The following CSMD1 variants were observed in gnomAD, a reference collection of about 807,000 sequenced individuals.
CSMD1 encodes the protein CUB and Sushi multiple domains 1, also known as CUB and sushi domain-containing protein 1.
CSMD1 carries 213 observed loss-of-function variants against 417.5 expected under a neutral mutation model. The ratio of observed to expected loss-of-function variants is 0.51; its 90% CI spans 0.46 to 0.57. The LOEUF is 0.57. Among genes scored for constraint, CSMD1 ranks in the 20% least tolerant of loss-of-function variants. The pLI is 0.00. For synonymous variants in CSMD1, 2,862 were observed against 1,736.8 expected (o/e 1.65, Z -16.11); for missense variants, 6,923 against 4,529.7 (o/e 1.53, Z -15.17).
At chr8:3,806,917 G>C (rs1368328176) in intron 5 of CSMD1, among the ~76,000 whole-genome samples, 1 of 152,076 alleles carries the variant, frequency 6.6e-6, no homozygotes, top group African/African-American at 2.4e-5. Context: ...GTAGTAGTGA[G>C]GTACTTATTC....
chr8:4,925,752 T>G (rs182011395), intron 1 of CSMD1, among the ~76,000 whole-genome samples: 1 of 152,266 alleles, frequency 6.6e-6, no homozygotes, highest in Admixed American at 6.5e-5. Context: ...TTTCACCGTG[T>G]TGGTCAGGAT....
chr8:3,421,530 G>A (rs534767391), intron 12 of CSMD1, among the ~76,000 whole-genome samples: 1 of 152,314 alleles, frequency 6.6e-6, no homozygotes, highest in South Asian at 2.1e-4. Context: ...CAATTTTGTA[G>A]ACTTTAGTAA....
At chr8:4,566,521 C>T (rs1363578631) in intron 2 of CSMD1, among the ~76,000 whole-genome samples, 4 of 151,720 alleles carry the variant, frequency 2.6e-5, no homozygotes, top group East Asian at 1.9e-4. Flanking sequence ...GGCGTGGTGG[C>T]GGGCGCCTGC....
chr8:4,665,440 A>G (rs1017555393), intron 1 of CSMD1, among the ~76,000 whole-genome samples: 8 of 152,208 alleles, frequency 5.3e-5, no homozygotes, highest in Non-Finnish European at 1.0e-4. Flanking sequence ...CATAACCATG[A>G]GAGATTCAAA....
intron 3 of CSMD1, among the ~76,000 whole-genome samples, chr8:4,114,673 T>A (rs928307514): frequency 1.3e-5 from 2 of 152,108 alleles, no homozygotes; most frequent in Admixed American, 6.5e-5. Flanking sequence ...TTAAGAAAAA[T>A]TGTGCTTCAT....
At chr8:3,648,300 A>C (rs1585015644) in intron 7 of CSMD1, among the ~76,000 whole-genome samples, 1 of 152,344 alleles carries the variant, frequency 6.6e-6, no homozygotes, top group East Asian at 1.9e-4. Context: ...AATCTGCCCT[A>C]CAAATTGCCT....
At chr8:4,622,336 T>C (rs150558612) in intron 2 of CSMD1, among the ~76,000 whole-genome samples, 41 of 152,180 alleles carry the variant, frequency 2.7e-4, no homozygotes, top group African/African-American at 9.4e-4. Flanking sequence ...CAAAAATGCA[T>C]GCTGAGGCTC....
At chr8:4,239,618 C>T (rs1504774) in intron 3 of CSMD1, among the ~76,000 whole-genome samples, 54,586 of 152,008 alleles carry the variant, frequency 0.36, 10,650 homozygotes, top group South Asian at 0.52. Flanking sequence ...GGCATTTCCA[C>T]CTAGAGAACC....
chr8:4,387,007 T>C (rs926493588), intron 3 of CSMD1, among the ~76,000 whole-genome samples: 17 of 152,194 alleles, frequency 1.1e-4, no homozygotes, highest in Non-Finnish European at 2.2e-4. Context: ...ATCGGCTTCA[T>C]TTGAAAGGGA....
At chr8:3,797,651 T>C (rs560549178) in intron 5 of CSMD1, among the ~76,000 whole-genome samples, 8 of 152,152 alleles carry the variant, frequency 5.3e-5, no homozygotes, top group East Asian at 1.9e-4. Context: ...AAATATGTTA[T>C]AATTTATCTC....
At chr8:3,128,350 T>C (rs1243592299) in intron 41 of CSMD1, 2 of 153,066 alleles carry the variant, frequency 1.3e-5, no homozygotes, top group African/African-American at 2.4e-5. Context: ...GGCTTGATTT[T>C]ACCAAAGTTC....
chr8:4,470,657 T>C (rs1800476078), intron 2 of CSMD1, among the ~76,000 whole-genome samples: 1 of 152,198 alleles, frequency 6.6e-6, no homozygotes, highest in African/African-American at 2.4e-5. Flanking sequence ...GTGAGATTTC[T>C]AAACGGCCAT....
chr8:4,474,898 G>C (rs1036444806), intron 2 of CSMD1, among the ~76,000 whole-genome samples: 1 of 152,012 alleles, frequency 6.6e-6, no homozygotes, highest in African/African-American at 2.4e-5. Context: ...TTACTTTCTT[G>C]TAAGACTATA....
At chr8:4,952,246 T>C (rs1482068864) in intron 1 of CSMD1, among the ~76,000 whole-genome samples, 1 of 152,032 alleles carries the variant, frequency 6.6e-6, no homozygotes, top group Non-Finnish European at 1.5e-5. Flanking sequence ...TTTGGATTTT[T>C]TTCTATAAGA....
chr8:3,223,466 T>G (rs1798325439), intron 28 of CSMD1, among the ~76,000 whole-genome samples: 1 of 152,208 alleles, frequency 6.6e-6, no homozygotes. Context: ...AACATTCTGT[T>G]TAAGCCTTCT....
chr8:3,614,365 C>A (rs1802036533), intron 8 of CSMD1, among the ~76,000 whole-genome samples: 1 of 152,068 alleles, frequency 6.6e-6, no homozygotes, highest in African/African-American at 2.4e-5. Flanking sequence ...CGAGCCAGAT[C>A]AACACAGCCC....
At chr8:4,417,954 C>T (rs1465479579) in intron 3 of CSMD1, among the ~76,000 whole-genome samples, 1 of 151,992 alleles carries the variant, frequency 6.6e-6, no homozygotes, top group African/African-American at 2.4e-5. Context: ...CTCTCTTCTA[C>T]TCTAGATTAT....
intron 5 of CSMD1, among the ~76,000 whole-genome samples, chr8:3,755,845 C>A (rs138795984): frequency 6.6e-6 from 1 of 152,064 alleles, no homozygotes; most frequent in African/African-American, 2.4e-5. Flanking sequence ...AGATTTGCCT[C>A]TTTGCTTGGA....
intron 1 of CSMD1, among the ~76,000 whole-genome samples, chr8:4,694,410 C>T (rs560450817): frequency 1.3e-5 from 2 of 151,980 alleles, no homozygotes; most frequent in African/African-American, 4.8e-5. Context: ...AGAGTGCAGT[C>T]GTGTGATCTT....
Sources: gnomAD v4.1 joint callset for allele counts (sites outside exome capture counted in the v4.1 genomes callset) on GRCh38, gnomAD v4.1.1 for gene constraint, MANE v1.5 for transcripts, NCBI Gene and HGNC (gene_info 2026-07-23, HGNC 2026-07-21) for gene names.